KLHL29: variants seen among roughly 807,000 people sequenced by gnomAD.
KLHL29 encodes the protein kelch-like protein 29.
KLHL29 carries 21 observed loss-of-function variants against 80.4 expected under a neutral mutation model. The observed-to-expected ratio is 0.26, with a 90% CI of 0.19 to 0.38. The LOEUF is 0.38. KLHL29 is among the 10% of genes least tolerant of loss of function. The probability of loss-of-function intolerance (pLI) is 1.00; values close to 1 mark genes in which losing one functional copy is unlikely to be tolerated. For synonymous variants in KLHL29, 511 were observed against 526.8 expected, an observed-to-expected ratio of 0.97 and a Z score of 0.41; for missense variants, 867 against 1,223.9, an observed-to-expected ratio of 0.71 and a Z score of 4.35.
chr2:23,477,342 C>T (rs1664666313), intron 2 of KLHL29, among the ~76,000 whole-genome samples: 1 of 152,274 alleles, frequency 6.6e-6, no homozygotes, highest in African/African-American at 2.4e-5. Flanking sequence ...GACTCAGAGA[C>T]ATTGAGGTTG....
intron 1 of KLHL29, among the ~76,000 whole-genome samples, chr2:23,469,025 C>T (rs1053657687): frequency 1.3e-5 from 2 of 152,240 alleles, no homozygotes; most frequent in Admixed American, 6.5e-5. Context: ...GTGTTGCTTT[C>T]TTCTCATGGC....
intron 3 of KLHL29, among the ~76,000 whole-genome samples, chr2:23,630,649 T>C (rs947597562): frequency 6.6e-6 from 1 of 151,980 alleles, no homozygotes; most frequent in Non-Finnish European, 1.5e-5. Context: ...CACACCCAGC[T>C]GATTTTTTTT....
intron 2 of KLHL29, chr2:23,524,372 C>A (rs1666222268): frequency 5.7e-6 from 1 of 176,588 alleles, no homozygotes; most frequent in Admixed American, 5.7e-5. Flanking sequence ...CAGGAAATAC[C>A]TTTAGGTCCT....
rs546235646 is a variant in KLHL29 at position 23,632,350 on chromosome 2, C to A, written c.286-6789C>A. Among the ~76,000 whole-genome samples, 12 of 152,390 alleles carry A rather than the reference C, an allele frequency of 7.9e-5. 1 individual carries two copies. The South Asian group carries it at 2.5e-3, about 32-fold the overall frequency. On this transcript the variant is annotated intron_variant, in intron 3 of 13. Transcript: ENST00000486442. ...AAGAACTGCCTTCCTGGGGCTTCACCTTTGCAGTGCAAGAGCCCCTGAGGG... is the reference window on the plus strand; with the variant it reads ...AAGAACTGCCTTCCTGGGGCTTCACATTTGCAGTGCAAGAGCCCCTGAGGG...
chr2:23,699,203 T>C (rs1007923175), intron 11 of KLHL29, among the ~76,000 whole-genome samples: 1 of 152,216 alleles, frequency 6.6e-6, no homozygotes, highest in Admixed American at 6.5e-5. Flanking sequence ...TCCTGGGCTC[T>C]GGGCTGTGAC....
At chr2:23,409,640 C>T (rs192508669) in intron 1 of KLHL29, among the ~76,000 whole-genome samples, 2 of 152,356 alleles carry the variant, frequency 1.3e-5, no homozygotes, top group East Asian at 1.9e-4. Flanking sequence ...AGAACCCAAG[C>T]CCATTCTTCA....
intron 5 of KLHL29, among the ~76,000 whole-genome samples, chr2:23,677,435 GTCAGAGTGTT>G (rs1670954075): frequency 6.6e-6 from 1 of 152,364 alleles, no homozygotes; most frequent in Admixed American, 6.5e-5. Flanking sequence ...CAGGCAAGAA[GTCAGAGTGTT>G]TCATGGTTCC....
chr2:23,502,713 G>A (rs969929809), intron 2 of KLHL29, among the ~76,000 whole-genome samples: 3 of 152,260 alleles, frequency 2.0e-5, no homozygotes, highest in African/African-American at 7.2e-5. Flanking sequence ...CTCTTTAGAT[G>A]CAGTGTGTGT....
At chr2:23,450,534 C>A (rs1299144000) in intron 1 of KLHL29, among the ~76,000 whole-genome samples, 1 of 151,912 alleles carries the variant, frequency 6.6e-6, no homozygotes, top group Non-Finnish European at 1.5e-5. Flanking sequence ...AGACTTCAGC[C>A]CTAGAGATTC....
At chr2:23,650,618 C>T (rs1014637850) in intron 5 of KLHL29, among the ~76,000 whole-genome samples, 1 of 152,196 alleles carries the variant, frequency 6.6e-6, no homozygotes, top group African/African-American at 2.4e-5. Context: ...CTCCTTGATT[C>T]TCAGGGGCTT....
intron 2 of KLHL29, among the ~76,000 whole-genome samples, chr2:23,552,338 T>A (rs1322395678): frequency 1.3e-5 from 2 of 152,202 alleles, no homozygotes; most frequent in Non-Finnish European, 2.9e-5. Flanking sequence ...GGGATGGGTA[T>A]ATTCCCAAAC....
intron 11 of KLHL29, chr2:23,697,054 G>T (rs1672006177): frequency 6.5e-6 from 1 of 154,128 alleles, no homozygotes; most frequent in South Asian, 2.0e-4. Flanking sequence ...AAAGGCCACT[G>T]CATACAAACT....
At chr2:23,526,247 T>A (rs1374044066) in intron 2 of KLHL29, among the ~76,000 whole-genome samples, 1 of 150,900 alleles carries the variant, frequency 6.6e-6, no homozygotes, top group Non-Finnish European at 1.5e-5. Context: ...TGCCAGCGCA[T>A]GCAGTTCAGA....
At position 23,434,087 on chromosome 2, in the gene KLHL29, C is replaced by T. The variant is rs564676426; in HGVS notation, c.-153-41473C>T. ...CTGTAATCCCAGCACTTTGGGAGGC[C>T]GAGACGGGCGGATCACGAGGTCAGG... On this transcript the variant is annotated intron_variant, in intron 1 of 13. Transcript: ENST00000486442. Among the ~76,000 whole-genome samples the T allele has an allele frequency of 5.9e-5, 9 of 151,874 alleles. No individual in the cohort carries two copies. In the East Asian group the frequency reaches 1.2e-3, roughly 20 times the overall value.
chr2:23,427,512 G>A (rs776857636), intron 1 of KLHL29, among the ~76,000 whole-genome samples: 2 of 152,168 alleles, frequency 1.3e-5, no homozygotes, highest in Non-Finnish European at 2.9e-5. Flanking sequence ...GGCGTGTTCT[G>A]CGTGGCCACA....
intron 1 of KLHL29, among the ~76,000 whole-genome samples, chr2:23,423,654 G>A (rs917273808): frequency 2.6e-5 from 4 of 152,150 alleles, no homozygotes; most frequent in African/African-American, 9.7e-5. Flanking sequence ...AGCCTGGCGG[G>A]CGGGGGTCCT....
chr2:23,446,717 G>A (rs140032388), intron 1 of KLHL29, among the ~76,000 whole-genome samples: 123 of 152,250 alleles, frequency 8.1e-4, no homozygotes, highest in Non-Finnish European at 1.5e-3. Flanking sequence ...ATTCTCTCAC[G>A]CCTGATTTTA....
rs562626108 is a variant in KLHL29, at chr2:23,611,175, G to A, written c.286-27964G>A. ...AGGCATTGGAGAGGTAACAAGACACGGTGAGCTGCTATTCGATTCGGGTCT... is the reference window on the plus strand; with the variant it reads ...AGGCATTGGAGAGGTAACAAGACACAGTGAGCTGCTATTCGATTCGGGTCT... On this transcript the variant is annotated intron_variant, in intron 3 of 13. Transcript: ENST00000486442. Among the ~76,000 whole-genome samples the A allele has an allele frequency of 2.0e-4, 31 of 152,300 alleles. No homozygotes were observed. In the East Asian group the frequency reaches 3.5e-3, roughly 17 times the overall value.
chr2:23,518,958 T>TC (rs1483527671), intron 2 of KLHL29, among the ~76,000 whole-genome samples: 1 of 152,098 alleles, frequency 6.6e-6, no homozygotes, highest in Non-Finnish European at 1.5e-5. Context: ...ATTAGTGACT[T>TC]CCCCCAGGCA....
Sources: gnomAD v4.1 joint callset for allele counts (sites outside exome capture counted in the v4.1 genomes callset) on GRCh38, gnomAD v4.1.1 for gene constraint, MANE v1.5 for transcripts, NCBI Gene and HGNC (gene_info 2026-07-23, HGNC 2026-07-21) for gene names.